The following PDE3A variants were observed in gnomAD, a reference collection of about 807,000 sequenced individuals.
The protein encoded by PDE3A is phosphodiesterase 3A, also known as cGMP-inhibited 3',5'-cyclic phosphodiesterase 3A.
In PDE3A, 43 loss-of-function variants were observed where a neutral mutation model predicts 98.3. That is an observed-to-expected ratio of 0.44 (90% CI 0.34 to 0.56). The LOEUF (loss-of-function observed/expected upper bound fraction) is 0.56. PDE3A is among the 20% of genes least tolerant of loss of function. PDE3A has a pLI of 0.01. For synonymous variants in PDE3A, 663 were observed against 567.9 expected, an observed-to-expected ratio of 1.17 and a Z score of -2.38; for missense variants, 1,427 against 1,440.7, an observed-to-expected ratio of 0.99 and a Z score of 0.15.
chr12:20,495,964 TTAAAA>T (rs538076667), intron 1 of PDE3A, among the ~76,000 whole-genome samples: 2 of 152,238 alleles, frequency 1.3e-5, no homozygotes, highest in South Asian at 2.1e-4. Context: ...ATTCTACATG[TTAAAA>T]TAAATCATTT....
At chr12:20,539,579 A>G (rs1941842459) in intron 1 of PDE3A, among the ~76,000 whole-genome samples, 1 of 152,172 alleles carries the variant, frequency 6.6e-6, no homozygotes, top group African/African-American at 2.4e-5. Flanking sequence ...AATAAAACCC[A>G]GCACCTAATA....
intron 1 of PDE3A, among the ~76,000 whole-genome samples, chr12:20,484,475 T>C (rs1216399173): frequency 6.6e-6 from 1 of 152,186 alleles, no homozygotes; most frequent in Non-Finnish European, 1.5e-5. Context: ...AAATGTGATT[T>C]TTGGCGTATC....
intron 1 of PDE3A, among the ~76,000 whole-genome samples, chr12:20,395,083 A>T (rs1043884076): frequency 1.3e-5 from 2 of 152,068 alleles, no homozygotes; most frequent in Non-Finnish European, 2.9e-5. Flanking sequence ...GAGGGATTCA[A>T]ATACAGCGCA....
intron 1 of PDE3A, among the ~76,000 whole-genome samples, chr12:20,395,131 C>T (rs113986118): frequency 0.042 from 6,388 of 152,012 alleles, 153 homozygotes; most frequent in Non-Finnish European, 0.063. Context: ...GGGTTGAGTT[C>T]TGGTTTCCAC....
intron 2 of PDE3A, among the ~76,000 whole-genome samples, chr12:20,612,082 C>T (rs1249697725): frequency 6.6e-6 from 1 of 151,792 alleles, no homozygotes; most frequent in Non-Finnish European, 1.5e-5. Flanking sequence ...ATAGGCTTAG[C>T]AAAGTTTCCT....
chr12:20,545,785 A>AAAC (rs1555159459), intron 1 of PDE3A, among the ~76,000 whole-genome samples: 5 of 140,826 alleles, frequency 3.6e-5, no homozygotes, highest in Non-Finnish European at 6.3e-5. Flanking sequence ...GCCAAAAAAA[A>AAAC]AAAAACAAAA....
chr12:20,625,791 T>C (rs2121494857), intron 5 of PDE3A, among the ~76,000 whole-genome samples: 1 of 152,338 alleles, frequency 6.6e-6, no homozygotes, highest in East Asian at 1.9e-4. Context: ...GCCGAATTAC[T>C]CAAAGGAGTT....
chr12:20,390,458 A>G (rs1026973211), intron 1 of PDE3A, among the ~76,000 whole-genome samples: 1 of 30,854 alleles, frequency 3.2e-5, no homozygotes, highest in African/African-American at 1.1e-4. Flanking sequence ...GTGATTTAAG[A>G]AAAAAAAAAA....
chr12:20,540,764 C>A (rs571366552), intron 1 of PDE3A, among the ~76,000 whole-genome samples: 1 of 152,070 alleles, frequency 6.6e-6, no homozygotes, highest in South Asian at 2.1e-4. Context: ...GTGGTAATTT[C>A]ATTAGGAAAA....
intron 11 of PDE3A, 64 bp downstream of exon 11, chr12:20,646,667 T>C: frequency 7.0e-7 from 1 of 1,428,322 alleles, no homozygotes; most frequent in Non-Finnish European, 9.8e-7. Flanking sequence ...TTTGTTTTTG[T>C]TTTTTTTCAA....
At chr12:20,588,280 C>T (rs1361390017) in intron 2 of PDE3A, among the ~76,000 whole-genome samples, 1 of 152,066 alleles carries the variant, frequency 6.6e-6, no homozygotes, top group African/African-American at 2.4e-5. Flanking sequence ...TAAAGCTTTC[C>T]CTAATGTAGG....
chr12:20,587,246 G>A (rs887690798), intron 2 of PDE3A, among the ~76,000 whole-genome samples: 3 of 152,088 alleles, frequency 2.0e-5, no homozygotes, highest in African/African-American at 7.2e-5. Flanking sequence ...TTGCGTGCCT[G>A]TAATCCCAGC....
At chr12:20,596,111 C>T (rs1431484409) in intron 2 of PDE3A, among the ~76,000 whole-genome samples, 4 of 152,074 alleles carry the variant, frequency 2.6e-5, no homozygotes, top group South Asian at 2.1e-4. Flanking sequence ...TAGAAATTGA[C>T]TCTTCATATT....
rs187508301 is a variant in PDE3A at position 20,471,786 on chromosome 12, A to G, written c.961-84874A>G. Among the ~76,000 whole-genome samples, 44 of 152,286 alleles carry G rather than the reference A, an allele frequency of 2.9e-4. No homozygotes were observed. The East Asian group carries it at 7.5e-3, about 26-fold the overall frequency. The stretch of plus-strand genomic sequence containing the variant: ...ATTTTATACCAAAACAATATTTGAT[A>G]TATGATGCCTTTCTAAAGGTTATCT... On this transcript the variant is annotated intron_variant, in intron 1 of 15. Coordinates refer to ENST00000359062, the MANE Select transcript of PDE3A (RefSeq NM_000921.5).
At chr12:20,484,523 C>G (rs1945690014) in intron 1 of PDE3A, among the ~76,000 whole-genome samples, 1 of 152,168 alleles carries the variant, frequency 6.6e-6, no homozygotes, top group African/African-American at 2.4e-5. Flanking sequence ...CTGTAGAACA[C>G]AATGTGCTTA....
At position 20,369,199 on chromosome 12, in the gene PDE3A, GT is replaced by G; in HGVS notation, c.-85del. 2.4e-6 allele frequency: 2 copies of G among 843,032 alleles called. No individual in the cohort carries two copies. The highest frequency in any genetic ancestry group is 3.6e-6 in the Non-Finnish European group (2 of 551,562). The allele number at this position is 843,032 out of a possible 1,614,324, so 52.2% of individuals were successfully genotyped here. On this transcript the variant is annotated 5_prime_UTR_variant, in exon 1 of 16. Coordinates refer to ENST00000359062, the MANE Select transcript of PDE3A (RefSeq NM_000921.5). ...GGGAAGAGCGTGCGTGCGTGTGTGT[GT>G]GTGTGTGTGTGCGCGCGCGCGCGTG... is the stretch of plus-strand genomic sequence containing the variant.
intron 1 of PDE3A, among the ~76,000 whole-genome samples, chr12:20,503,603 T>C (rs1946062797): frequency 6.6e-6 from 1 of 152,106 alleles, no homozygotes; most frequent in Non-Finnish European, 1.5e-5. Context: ...TAGAGTGATC[T>C]AATTTGAATT....
intron 1 of PDE3A, among the ~76,000 whole-genome samples, chr12:20,538,952 T>A (rs551837096): frequency 6.6e-6 from 1 of 152,064 alleles, no homozygotes; most frequent in South Asian, 2.1e-4. Flanking sequence ...AGCCTTATTT[T>A]TTTTTTTTCC....
chr12:20,656,426 C>T (rs1945046093), intron 15 of PDE3A, among the ~76,000 whole-genome samples: 1 of 152,068 alleles, frequency 6.6e-6, no homozygotes, highest in African/African-American at 2.4e-5. Context: ...TCAGATCTGG[C>T]CTGTTAATTA....
Sources: gnomAD v4.1 joint callset for allele counts (sites outside exome capture counted in the v4.1 genomes callset) on GRCh38, gnomAD v4.1.1 for gene constraint, MANE v1.5 for transcripts, NCBI Gene and HGNC (gene_info 2026-07-23, HGNC 2026-07-21) for gene names.